Variants in MYT1L observed in about 807,000 individuals in gnomAD.
The protein encoded by MYT1L is myelin transcription factor 1-like protein.
In MYT1L, 12 loss-of-function variants were observed where a neutral mutation model predicts 126.7. That is an observed-to-expected ratio of 0.09 (90% CI 0.06 to 0.15). MYT1L has a LOEUF of 0.15. Among genes scored for constraint, MYT1L ranks in the 10% least tolerant of loss-of-function variants. The pLI is 1.00. For missense variants in MYT1L, 979 were observed against 1,585.2 expected, an observed-to-expected ratio of 0.62 and a Z score of 6.49; for synonymous variants, 541 against 604.2, an observed-to-expected ratio of 0.90 and a Z score of 1.53.
At chr2:2,016,111 T>A (rs562728120) in intron 4 of MYT1L, among the ~76,000 whole-genome samples, 1 of 152,334 alleles carries the variant, frequency 6.6e-6, no homozygotes, top group African/African-American at 2.4e-5. Flanking sequence ...GATTCACTCA[T>A]CAATTAGGTG....
Position 1,979,763 on chromosome 2 carries a change from G to A in MYT1L, c.15C>T (p.Thr5=), listed in dbSNP as rs1273364122. 2.1e-5 allele frequency: 34 copies of A among 1,613,784 alleles called. No individual in the cohort carries two copies. Among genetic ancestry groups the A allele is most frequent in the Middle Eastern group, 3.3e-4 (2 of 6,082 alleles). The change falls in exon 6 of 25, where the codon ACC becomes ACT. Residue 5 remains threonine (T), a synonymous_variant. Coordinates refer to ENST00000647738, the MANE Select transcript of MYT1L (RefSeq NM_001303052.2). The surrounding 1 kb of genome is among the most constrained non-coding windows in gnomAD (Gnocchi z 4.0). ...ACCGCGTGCGATGCCGCTTCTCCTC[G>A]GTGTCCACCTCCATCTGGGGATAGA... MEVD[T]EEKRHRTRSK... is the part of the protein sequence containing the mutation.
intron 5 of MYT1L, among the ~76,000 whole-genome samples, chr2:1,993,832 C>A (rs2061619533): frequency 6.6e-6 from 1 of 152,202 alleles, no homozygotes; most frequent in Admixed American, 6.5e-5. Flanking sequence ...TTGAGTAAAG[C>A]CACGTGTCTC....
At chr2:2,268,359 G>A (rs2095184088) in intron 2 of MYT1L, among the ~76,000 whole-genome samples, 1 of 152,084 alleles carries the variant, frequency 6.6e-6, no homozygotes, top group Admixed American at 6.5e-5. Context: ...ACATCAACAT[G>A]GGGGAACAGA....
intron 21 of MYT1L, among the ~76,000 whole-genome samples, chr2:1,832,308 C>T (rs1475010290): frequency 7.2e-5 from 11 of 152,322 alleles, no homozygotes; most frequent in Middle Eastern, 3.4e-3. Flanking sequence ...CAGCTGGAAC[C>T]TGATCTCAGA....
intron 2 of MYT1L, among the ~76,000 whole-genome samples, chr2:2,246,781 T>C (rs1166620139): frequency 2.6e-5 from 4 of 152,236 alleles, no homozygotes; most frequent in African/African-American, 9.6e-5. Context: ...ATTAATTTTA[T>C]TGATCACTTA....
intron 23 of MYT1L, among the ~76,000 whole-genome samples, chr2:1,797,086 G>T (rs1304451442): frequency 6.6e-6 from 1 of 152,114 alleles, no homozygotes; most frequent in Non-Finnish European, 1.5e-5. Flanking sequence ...ACCAAGGCTT[G>T]GGTGTGTCCA....
chr2:1,996,015 C>G (rs1286109478), intron 5 of MYT1L, among the ~76,000 whole-genome samples: 3 of 152,136 alleles, frequency 2.0e-5, no homozygotes, highest in Non-Finnish European at 4.4e-5. Flanking sequence ...GAATGGTTTA[C>G]AAGAAAAAGC....
At chr2:2,216,575 A>G (rs1481275719) in intron 2 of MYT1L, among the ~76,000 whole-genome samples, 2 of 152,250 alleles carry the variant, frequency 1.3e-5, no homozygotes, top group South Asian at 2.1e-4. Flanking sequence ...AAGAACAAGT[A>G]TCAATGACTT....
chr2:2,070,112 A>G (rs1437459759), intron 3 of MYT1L, among the ~76,000 whole-genome samples: 1 of 152,074 alleles, frequency 6.6e-6, no homozygotes, highest in African/African-American at 2.4e-5. Context: ...AAATAAAACA[A>G]AAATCTAGCT....
At chr2:2,120,028 T>TGG in intron 3 of MYT1L, among the ~76,000 whole-genome samples, 1 of 152,246 alleles carries the variant, frequency 6.6e-6, no homozygotes, top group East Asian at 1.9e-4. Flanking sequence ...ATGAGGGAAA[T>TGG]GGAGATCAAC....
intron 9 of MYT1L, among the ~76,000 whole-genome samples, chr2:1,942,629 T>C (rs2056783074): frequency 6.6e-6 from 1 of 152,192 alleles, no homozygotes; most frequent in African/African-American, 2.4e-5. Flanking sequence ...AATCATTGTA[T>C]CTCATGGATA....
intron 18 of MYT1L, among the ~76,000 whole-genome samples, chr2:1,868,248 C>T (rs1166991705): frequency 1.3e-5 from 2 of 152,202 alleles, no homozygotes; most frequent in African/African-American, 2.4e-5. Context: ...CAGGTGTGAG[C>T]CACCGCGCCC....
At chr2:2,326,219 T>A (rs2096244632) in intron 1 of MYT1L, 1 of 152,282 alleles carries the variant, frequency 6.6e-6, no homozygotes, top group Non-Finnish European at 1.5e-5. Flanking sequence ...CTATCCACAG[T>A]GAGTGAGAGT....
At chr2:1,863,632 C>T (rs1227878810) in intron 18 of MYT1L, among the ~76,000 whole-genome samples, 1 of 152,076 alleles carries the variant, frequency 6.6e-6, no homozygotes, top group Non-Finnish European at 1.5e-5. Context: ...AATGGCATGT[C>T]CCGCTCCAGC....
At chr2:2,146,160 A>AT (rs1355959951) in intron 3 of MYT1L, among the ~76,000 whole-genome samples, 2 of 152,210 alleles carry the variant, frequency 1.3e-5, no homozygotes, top group African/African-American at 4.8e-5. Context: ...AGAGTTTTAT[A>AT]TTTTTTCAAA....
At chr2:2,073,924 C>A (rs1315656575) in intron 3 of MYT1L, among the ~76,000 whole-genome samples, 1 of 152,166 alleles carries the variant, frequency 6.6e-6, no homozygotes, top group Admixed American at 6.5e-5. Flanking sequence ...AGCACTCTGG[C>A]CTCCTGGCTT....
At chr2:2,288,622 T>C (rs1218271295) in intron 1 of MYT1L, among the ~76,000 whole-genome samples, 7 of 152,258 alleles carry the variant, frequency 4.6e-5, no homozygotes, top group Admixed American at 3.9e-4. Flanking sequence ...GATAGCTATA[T>C]TATTAAAATT....
rs766957882 is a variant in MYT1L at position 1,793,737 on chromosome 2, C to T, written c.3277-1273G>A. On this transcript the variant is annotated intron_variant, in intron 23 of 24. Coordinates refer to ENST00000647738, the MANE Select transcript of MYT1L (RefSeq NM_001303052.2). The surrounding 1 kb of genome is among the most constrained non-coding windows in gnomAD (Gnocchi z 4.6). ...CAGGGACGGTCCCCTGTGGAGAACA[C>T]ACTGAAATCACACAGATTTATTTCC... is the stretch of plus-strand genomic sequence containing the variant. Among the ~76,000 whole-genome samples the T allele has an allele frequency of 9.9e-5, 15 of 152,200 alleles. No individual in the cohort carries two copies. Among genetic ancestry groups the T allele is most frequent in the Non-Finnish European group, 1.9e-4 (13 of 68,038 alleles).
At chr2:2,189,768 A>G (rs564037333) in intron 2 of MYT1L, among the ~76,000 whole-genome samples, 6 of 150,618 alleles carry the variant, frequency 4.0e-5, no homozygotes, top group African/African-American at 1.5e-4. Flanking sequence ...TGAGAAGCGC[A>G]TTCTCAGGAC....
Sources: allele counts gnomAD v4.1 joint callset (sites outside exome capture counted in the v4.1 genomes callset), GRCh38; gene constraint gnomAD v4.1.1; non-coding constraint Gnocchi (gnomAD v3.1); transcripts MANE v1.5; gene names NCBI Gene and HGNC (gene_info 2026-07-23, HGNC 2026-07-21).